The following FRY variants were observed in gnomAD, a reference collection of about 807,000 sequenced individuals.
FRY encodes the protein FRY microtubule binding protein.
Under a neutral mutation model 348.4 loss-of-function variants are expected in FRY, and 128 were observed. The observed-to-expected ratio is 0.37, with a 90% confidence interval of 0.32 to 0.43. The LOEUF (loss-of-function observed/expected upper bound fraction) is 0.43, where lower values mean the gene tolerates loss of function less well. Ranked by LOEUF, FRY falls within the 20% of genes least tolerant of loss-of-function variation. The probability of loss-of-function intolerance (pLI) is 1.00; values close to 1 mark genes in which losing one functional copy is unlikely to be tolerated. For missense variants in FRY, 2,736 were observed against 3,695.2 expected (o/e 0.74, Z 6.73); for synonymous variants, 1,370 against 1,374.7 (o/e 1.00, Z 0.08).
chr13:32,284,395 C>G (rs1208995830), intron 58 of FRY, among the ~76,000 whole-genome samples: 4 of 152,298 alleles, frequency 2.6e-5, no homozygotes, highest in African/African-American at 9.6e-5. Context: ...AGACTTTTCT[C>G]CAATTAAGTT....
In FRY at chr13:32,297,057, G is replaced by T. The variant is rs1467582300; in HGVS notation, c.*1597G>T. 6.6e-6 allele frequency: 1 copy of T among 152,104 alleles called. No homozygotes were observed. The highest frequency in any genetic ancestry group is 1.5e-5 in the Non-Finnish European group (1 of 68,016). 9.4% of individuals were successfully genotyped at this position (152,104 alleles called of 1,614,324 possible). On this transcript the variant is annotated 3_prime_UTR_variant, in exon 61 of 61. Coordinates refer to ENST00000542859, the MANE Select transcript of FRY (RefSeq NM_023037.3). ...AACATGTAACAATCTCATTTATGCC[G>T]TCTTTCTACTCATATTTTACATGGA...
In FRY at chr13:32,212,365, G is replaced by A. The variant is rs779318009; in HGVS notation, c.4665G>A (p.Leu1555=). The change falls in exon 35 of 61, where the codon TTG becomes TTA. Residue 1555 remains leucine, a synonymous_variant. Coordinates refer to ENST00000542859, the MANE Select transcript of FRY (RefSeq NM_023037.3). Reference sequence around the variant, plus strand: ...CAGATGCTGAGGAGAACAAGATATTGAAAGAATCTGATGAAAGGTTGGTAC... The same window carrying A: ...CAGATGCTGAGGAGAACAAGATATTAAAAGAATCTGATGAAAGGTTGGTAC... ...NFPDAEENKI[L]KESDERFSNV... is the part of the protein sequence containing the mutation. The A allele has an allele frequency of 1.3e-6, 2 of 1,599,634 alleles. No individual in the cohort carries two copies. The highest frequency in any genetic ancestry group is 3.3e-5 in the Admixed American group (2 of 59,870).
chr13:32,121,132 A>G (rs1303390745), intron 4 of FRY, among the ~76,000 whole-genome samples: 3 of 152,226 alleles, frequency 2.0e-5, no homozygotes, highest in East Asian at 3.8e-4. Flanking sequence ...ATAGTATTCG[A>G]TCATATATAT....
chr13:32,056,903 A>G (rs1403860842), intron 1 of FRY, among the ~76,000 whole-genome samples: 1 of 152,190 alleles, frequency 6.6e-6, no homozygotes, highest in African/African-American at 2.4e-5. Context: ...CTCAGTTTAG[A>G]GAAATGTTGG....
At chr13:32,270,834 G>A (rs549548915) in intron 55 of FRY, among the ~76,000 whole-genome samples, 40 of 152,304 alleles carry the variant, frequency 2.6e-4, no homozygotes, top group African/African-American at 7.5e-4. Context: ...CCCGTGAAGA[G>A]GGCAGGTAAA....
intron 20 of FRY, 116 bp from the exon 21 acceptor site, chr13:32,178,061 C>T: frequency 1.9e-6 from 2 of 1,057,282 alleles, no homozygotes; most frequent in South Asian, 1.3e-5. Flanking sequence ...GATTCAAAGC[C>T]AGCCCAGTGC....
chr13:32,225,743 C>T lies in FRY; in HGVS notation c.5021-46C>T, dbSNP rs377350417. The T allele has an allele frequency of 5.0e-5, 68 of 1,362,614 alleles. No individual in the cohort carries two copies. The African/African-American group carries it at 8.3e-4, about 17-fold the overall frequency. The allele number at this position is 1,362,614 out of a possible 1,614,324, so 84.4% of individuals were successfully genotyped here. The stretch of plus-strand genomic sequence containing the variant: ...ATCTTTACTATCCCTGGAATCTAAA[C>T]GAGCTTAACGTTTGTTTATACTTAG... On this transcript the variant is annotated intron_variant, in intron 38 of 60. Coordinates refer to ENST00000542859, the MANE Select transcript of FRY (RefSeq NM_023037.3).
At chr13:32,214,055 C>T (rs557813491) in intron 35 of FRY, among the ~76,000 whole-genome samples, 1 of 152,354 alleles carries the variant, frequency 6.6e-6, no homozygotes, top group South Asian at 2.1e-4. Flanking sequence ...TGATCATATT[C>T]ACATATATGT....
rs903999543 is a variant in FRY, at chr13:32,185,137, A to G, written c.3308A>G (p.Gln1103Arg). 6.2e-7 allele frequency: 1 copy of G among 1,613,780 alleles called. No homozygotes were observed. The highest frequency in any genetic ancestry group is 8.5e-7 in the Non-Finnish European group (1 of 1,179,670). Residue 1103 changes from glutamine (Q) to arginine (R), a missense_variant, in exon 26 of 61, where the codon CAG (glutamine) becomes CGG (arginine). Coordinates refer to ENST00000542859, the MANE Select transcript of FRY (RefSeq NM_023037.3). ...HFSAMVANLIQCVPVHHRRFL... is the reference protein window; with the variant it reads ...HFSAMVANLIRCVPVHHRRFL... ...AGTGCAATGGTGGCCAACTTGATTC[A>G]GTGTGTTCCAGGTACGGTGATCCGT... is the stretch of plus-strand genomic sequence containing the variant.
In FRY at chr13:32,202,457, C is replaced by T. The variant is rs768083836; in HGVS notation, c.3948C>T (p.Ser1316=). Residue 1316 remains serine (S), a synonymous_variant, in exon 31 of 61, where the codon AGC becomes AGT. Transcript: ENST00000542859. ...ACGGCCCGCTGCCACCCCTCTACAGCGTGTCACTTGCCCTCTTGTCATGTG... is the reference window on the plus strand; with the variant it reads ...ACGGCCCGCTGCCACCCCTCTACAGTGTGTCACTTGCCCTCTTGTCATGTG... ...GTHGPLPPLY[S]VSLALLSCEL... The T allele has an allele frequency of 3.5e-5, 56 of 1,613,662 alleles. No individual in the cohort carries two copies. The highest frequency in any genetic ancestry group is 2.2e-4 in the Admixed American group (13 of 59,986).
chr13:32,208,936 G>A lies in FRY; in HGVS notation c.4102G>A (p.Glu1368Lys). The change falls in exon 32 of 61, where the codon GAG (glutamate) becomes AAG (lysine). Residue 1368 changes from glutamate to lysine, a missense_variant. Physicochemically the swap from Glu to Lys is moderately conservative, Grantham distance 56 (BLOSUM62 1). Transcript: ENST00000542859. ...CCTGCTGCCCTGGCTGCACAACATCGAGCTGGTGGACAGCAGGCTCCTCCT... is the reference window on the plus strand; with the variant it reads ...CCTGCTGCCCTGGCTGCACAACATCAAGCTGGTGGACAGCAGGCTCCTCCT... ...TYLLPWLHNI[E>K]LVDSRLLLPG... The A allele has an allele frequency of 3.1e-6, 5 of 1,613,980 alleles. No homozygotes were observed. The highest frequency in any genetic ancestry group is 2.2e-5 in the East Asian group (1 of 44,874).
chr13:32,234,513 T>G, intron 41 of FRY, 61 bp from the exon 42 acceptor site: 1 of 1,464,446 alleles, frequency 6.8e-7, no homozygotes, highest in South Asian at 1.1e-5. Flanking sequence ...TAGAGGTAAC[T>G]TTGATGCCCC....
rs1192224298 is a variant in FRY, at chr13:32,267,404, G to A, written c.8136+45G>A. ...GTGCAGAGGACTTAGTTTCTAAGGGGAGCCGGGTAACTTTGAATTTAAGGA... is the reference window on the plus strand; with the variant it reads ...GTGCAGAGGACTTAGTTTCTAAGGGAAGCCGGGTAACTTTGAATTTAAGGA... On this transcript the variant is annotated intron_variant, in intron 55 of 60. Transcript: ENST00000542859. The A allele has an allele frequency of 3.3e-6, 5 of 1,535,494 alleles. No homozygotes were observed. The African/African-American group carries it at 4.1e-5, about 13-fold the overall frequency.
intron 14 of FRY, among the ~76,000 whole-genome samples, chr13:32,151,084 C>G (rs573221411): frequency 6.6e-6 from 1 of 152,164 alleles, no homozygotes; most frequent in Non-Finnish European, 1.5e-5. Context: ...GGAAGGTTCT[C>G]AAGACATTAT....
At chr13:32,231,138 A>G in intron 40 of FRY, 41 bp from the exon 41 acceptor site, 3 of 1,602,244 alleles carry the variant, frequency 1.9e-6, no homozygotes, top group Non-Finnish European at 2.6e-6. Flanking sequence ...AAAATGCAAA[A>G]TGACAGTTAT....
Position 32,147,386 on chromosome 13 carries a change from G to T in FRY, c.1283+1G>T. On this transcript the variant is annotated splice_donor_variant, in intron 12 of 60. Coordinates refer to ENST00000542859, the MANE Select transcript of FRY (RefSeq NM_023037.3). LOFTEE classifies it high-confidence loss of function. ...GTGAAAGCAACACAGCTACTCAGAGGTAAGATTTGGCTTGTGTCAATGGTA... is the reference window on the plus strand; with the variant it reads ...GTGAAAGCAACACAGCTACTCAGAGTTAAGATTTGGCTTGTGTCAATGGTA... The T allele has an allele frequency of 6.4e-7, 1 of 1,565,730 alleles. No homozygotes were observed. The highest frequency in any genetic ancestry group is 8.8e-7 in the Non-Finnish European group (1 of 1,136,066).
At chr13:32,164,864 G>A (rs1009576030) in intron 17 of FRY, among the ~76,000 whole-genome samples, 2 of 152,252 alleles carry the variant, frequency 1.3e-5, no homozygotes, top group African/African-American at 2.4e-5. Context: ...ACCACAAGAG[G>A]GAGCTTTCAC....
intron 50 of FRY, among the ~76,000 whole-genome samples, chr13:32,253,150 C>T (rs755290510): frequency 3.3e-5 from 5 of 152,222 alleles, no homozygotes; most frequent in Non-Finnish European, 7.3e-5. Flanking sequence ...AGACAGCCTT[C>T]AGCTGAGGAA....
chr13:32,052,242 T>C (rs1304256832), intron 1 of FRY, among the ~76,000 whole-genome samples: 2 of 152,250 alleles, frequency 1.3e-5, no homozygotes, highest in East Asian at 3.8e-4. Context: ...ATAAATGTTA[T>C]TGAAACAATA....
Sources: gnomAD v4.1 joint callset for allele counts (sites outside exome capture counted in the v4.1 genomes callset) on GRCh38, gnomAD v4.1.1 for gene constraint, MANE v1.5 for transcripts, NCBI Gene and HGNC (gene_info 2026-07-23, HGNC 2026-07-21) for gene names.